MYL4: variants seen among roughly 807,000 people sequenced by gnomAD.
MYL4 encodes myosin light chain 4, also known as atrial myosin light chain 1.
Under a neutral mutation model 21.6 loss-of-function variants are expected in MYL4, and 16 were observed. The ratio of observed to expected loss-of-function variants is 0.74; its 90% CI spans 0.50 to 1.12. The LOEUF (loss-of-function observed/expected upper bound fraction) is 1.12, where lower values mean the gene tolerates loss of function less well. Ranked by LOEUF, MYL4 falls within the 50% of genes most tolerant of loss-of-function variation. The pLI is 0.00. For missense variants in MYL4, 249 were observed against 252.9 expected (o/e 0.98, Z 0.11); for synonymous variants, 82 against 95.7 (o/e 0.86, Z 0.83).
At chr17:47,221,922 C>T (rs1361070967) in intron 4 of MYL4, 67 bp downstream of exon 4, 1 of 1,544,396 alleles carries the variant, frequency 6.5e-7, no homozygotes, top group East Asian at 2.3e-5. Flanking sequence ...GCCAAGGTGA[C>T]ATATGCTGGT....
upstream of MYL4, among the ~76,000 whole-genome samples, chr17:47,204,618 G>A (rs142579615): frequency 3.9e-5 from 6 of 152,110 alleles, no homozygotes; most frequent in East Asian, 1.2e-3. Flanking sequence ...TGTAGTCCCA[G>A]CTACTTGGGA....
At chr17:47,218,941 G>T (rs2064834532) in intron 2 of MYL4, among the ~76,000 whole-genome samples, 1 of 152,202 alleles carries the variant, frequency 6.6e-6, no homozygotes, top group Non-Finnish European at 1.5e-5. Context: ...TGGTAAGTAG[G>T]AAAGAGAACT....
chr17:47,200,757 A>G (rs2064706282), intron 1 of MYL4, among the ~76,000 whole-genome samples: 1 of 152,226 alleles, frequency 6.6e-6, no homozygotes, highest in African/African-American at 2.4e-5. Flanking sequence ...ACTAGACAGC[A>G]CTGCCTTGAC....
chr17:47,208,096 C>T (rs1448591163), upstream of MYL4, among the ~76,000 whole-genome samples: 1 of 152,150 alleles, frequency 6.6e-6, no homozygotes, highest in Non-Finnish European at 1.5e-5. Flanking sequence ...TCTCAATCTC[C>T]CCATGTGTAA....
intron 5 of MYL4, among the ~76,000 whole-genome samples, 163 bp downstream of exon 5, chr17:47,222,620 G>A (rs1275335984): frequency 1.3e-5 from 2 of 152,120 alleles, no homozygotes; most frequent in Non-Finnish European, 2.9e-5. Flanking sequence ...ACCTCCTAGT[G>A]TAATGGCGGG....
upstream of MYL4, chr17:47,200,322 T>C (rs530112728): frequency 6.6e-6 from 1 of 152,142 alleles, no homozygotes; most frequent in Admixed American, 6.6e-5. Flanking sequence ...TTTTGCTTAC[T>C]GAGAGATACC....
intron 2 of MYL4, 152 bp from the exon 3 acceptor site, chr17:47,219,752 C>A (rs377468205): frequency 3.8e-5 from 36 of 938,178 alleles, no homozygotes; most frequent in South Asian, 3.5e-4. Flanking sequence ...AGGACGGGTT[C>A]GAGGGACGGC....
upstream of MYL4, among the ~76,000 whole-genome samples, chr17:47,199,666 C>A (rs569742675): frequency 2.4e-4 from 25 of 104,138 alleles, no homozygotes; most frequent in Non-Finnish European, 4.2e-4. Context: ...TTCTTGGAGA[C>A]CCTGTCTCAA....
At chr17:47,207,110 G>A (rs1458880448), upstream of MYL4, among the ~76,000 whole-genome samples, 1 of 152,088 alleles carries the variant, frequency 6.6e-6, no homozygotes, top group Non-Finnish European at 1.5e-5. Context: ...GAGGTGAGGT[G>A]CACAGAGCAA....
chr17:47,223,297 G>A, intron 6 of MYL4: 2 of 509,620 alleles, frequency 3.9e-6, no homozygotes, highest in South Asian at 6.1e-5. Flanking sequence ...ATCTCTCAAG[G>A]CAATGCCCTT....
chr17:47,201,329 T>TC (rs1173740821), intron 1 of MYL4, among the ~76,000 whole-genome samples: 2 of 152,180 alleles, frequency 1.3e-5, no homozygotes, highest in African/African-American at 4.8e-5. Flanking sequence ...GCTTTTTTTT[T>TC]CCTCCCTCCT....
At chr17:47,225,148 T>C (rs116763802), downstream of MYL4, among the ~76,000 whole-genome samples, 2,379 of 152,260 alleles carry the variant, frequency 0.016, 51 homozygotes, top group African/African-American at 0.054. Context: ...CATCTAAGAA[T>C]TCAGCCAAGG....
chr17:47,204,737 A>G (rs1310590478), upstream of MYL4, among the ~76,000 whole-genome samples: 1 of 152,090 alleles, frequency 6.6e-6, no homozygotes, highest in Non-Finnish European at 1.5e-5. Flanking sequence ...TCTCGAAAAA[A>G]AAAAAAAAAA....
chr17:47,209,299 T>C, upstream of MYL4: 1 of 1,305,946 alleles, frequency 7.7e-7, no homozygotes, highest in Admixed American at 1.8e-5. Flanking sequence ...AGCCCCTCTG[T>C]GGGGGCTCCT....
At chr17:47,195,836 CT>C (rs1334013326), upstream of MYL4, among the ~76,000 whole-genome samples, 1 of 152,208 alleles carries the variant, frequency 6.6e-6, no homozygotes, top group Non-Finnish European at 1.5e-5. Context: ...TCCCATCACT[CT>C]TTGCTGTAAT....
At chr17:47,227,459 T>C (rs994598133), downstream of MYL4, among the ~76,000 whole-genome samples, 39 of 152,208 alleles carry the variant, frequency 2.6e-4, no homozygotes, top group African/African-American at 8.0e-4. Context: ...AGGCTTGAAC[T>C]GTGTGGATCC....
intron 2 of MYL4, among the ~76,000 whole-genome samples, chr17:47,219,239 A>C (rs770645025): frequency 4.6e-5 from 7 of 152,238 alleles, no homozygotes; most frequent in Admixed American, 1.3e-4. Context: ...ATCACTTTGT[A>C]AAGTGCTTCC....
At chr17:47,191,151 A>G in the MYL4 span, among the ~76,000 whole-genome samples, 5 of 152,240 alleles carry the variant, frequency 3.3e-5, no homozygotes, top group African/African-American at 9.6e-5. Flanking sequence ...CTTGTTGGTC[A>G]GAGTAAGACT....
chr17:47,221,905 G>T (rs771552763), intron 4 of MYL4, 50 bp downstream of exon 4: 6 of 1,583,756 alleles, frequency 3.8e-6, no homozygotes, highest in East Asian at 4.5e-5. Flanking sequence ...ATGGAGGGGT[G>T]GGAGGTGCCA....
Sources: gnomAD v4.1 joint callset for allele counts (sites outside exome capture counted in the v4.1 genomes callset) on GRCh38, gnomAD v4.1.1 for gene constraint, MANE v1.5 for transcripts, NCBI Gene and HGNC (gene_info 2026-07-23, HGNC 2026-07-21) for gene names.